The following GLIS3 variants were observed in gnomAD, a reference collection of about 807,000 sequenced individuals.
GLIS3 encodes the protein GLIS family zinc finger 3.
GLIS3 carries 53 observed loss-of-function variants against 78.6 expected under a neutral mutation model. That is an observed-to-expected ratio of 0.67 (90% CI 0.54 to 0.85). GLIS3 has a LOEUF of 0.85. Ranked by LOEUF, GLIS3 falls within the 40% of genes least tolerant of loss-of-function variation. The probability of loss-of-function intolerance (pLI) is 0.00; values close to 1 mark genes in which losing one functional copy is unlikely to be tolerated. For missense variants in GLIS3, 1,703 were observed against 1,231.1 expected (o/e 1.38, Z -5.74); for synonymous variants, 684 against 509.9 (o/e 1.34, Z -4.60).
At chr9:3,871,343 C>T (rs1029739061) in intron 8 of GLIS3, among the ~76,000 whole-genome samples, 1 of 152,180 alleles carries the variant, frequency 6.6e-6, no homozygotes, top group South Asian at 2.1e-4. Flanking sequence ...GACAGTGACC[C>T]TCTTCTCACA....
chr9:4,376,761 A>G, the GLIS3 span, among the ~76,000 whole-genome samples: 2 of 136,104 alleles, frequency 1.5e-5, 1 homozygote, highest in Admixed American at 1.5e-4. Context: ...ATGAGAAAAA[A>G]GTTTTAATGA....
intron 4 of GLIS3, among the ~76,000 whole-genome samples, chr9:4,110,264 C>G (rs369234890): frequency 1.3e-5 from 2 of 152,176 alleles, no homozygotes; most frequent in Admixed American, 6.5e-5. Context: ...CACTTTCACT[C>G]TCAAAAGTGT....
intron 2 of GLIS3, among the ~76,000 whole-genome samples, chr9:4,315,798 G>T (rs1319421893): frequency 1.3e-5 from 2 of 152,064 alleles, no homozygotes; most frequent in Non-Finnish European, 2.9e-5. Flanking sequence ...TCAGTAGGTG[G>T]CGCCCGTTCC....
At chr9:4,158,571 G>C (rs1402281138) in intron 2 of GLIS3, among the ~76,000 whole-genome samples, 1 of 152,208 alleles carries the variant, frequency 6.6e-6, no homozygotes, top group East Asian at 1.9e-4. Flanking sequence ...GAAGTTGTCA[G>C]ACTTTTCCTC....
At chr9:4,379,878 ATG>A in the GLIS3 span, among the ~76,000 whole-genome samples, 1 of 152,184 alleles carries the variant, frequency 6.6e-6, no homozygotes, top group Non-Finnish European at 1.5e-5. Context: ...ATAGGAGTGT[ATG>A]TGTGTGTATG....
chr9:4,005,469 T>G (rs182645613), intron 4 of GLIS3, among the ~76,000 whole-genome samples: 27 of 152,352 alleles, frequency 1.8e-4, no homozygotes, highest in African/African-American at 6.3e-4. Context: ...AACATGGCCC[T>G]AGGAGCTAAA....
At chr9:4,261,331 T>G (rs970644726) in intron 2 of GLIS3, among the ~76,000 whole-genome samples, 14 of 151,634 alleles carry the variant, frequency 9.2e-5, no homozygotes, top group African/African-American at 3.4e-4. Flanking sequence ...TCTGCCATAA[T>G]GGAAGCAAAG....
chr9:4,185,978 G>C (rs1346048261), intron 2 of GLIS3, among the ~76,000 whole-genome samples: 2 of 151,936 alleles, frequency 1.3e-5, no homozygotes, highest in Admixed American at 1.3e-4. Flanking sequence ...TAAATTGGCA[G>C]AGTTTTCTTC....
At chr9:4,478,447 C>A in the GLIS3 span, among the ~76,000 whole-genome samples, 1 of 152,062 alleles carries the variant, frequency 6.6e-6, no homozygotes, top group African/African-American at 2.4e-5. Context: ...CCCCTCTCTA[C>A]TAAAAATACA....
chr9:4,439,211 T>G, the GLIS3 span, among the ~76,000 whole-genome samples: 1 of 152,150 alleles, frequency 6.6e-6, no homozygotes, highest in African/African-American at 2.4e-5. Context: ...AAGCCATAAT[T>G]TTTTCTATTT....
At chr9:4,256,080 T>A (rs1025514603) in intron 2 of GLIS3, among the ~76,000 whole-genome samples, 2 of 152,122 alleles carry the variant, frequency 1.3e-5, no homozygotes, top group Admixed American at 1.3e-4. Context: ...AAGCCCTTAT[T>A]TAAAAGAGTC....
intron 1 of GLIS3, among the ~76,000 whole-genome samples, chr9:4,298,163 C>T (rs1248762519): frequency 6.6e-6 from 1 of 152,096 alleles, no homozygotes; most frequent in East Asian, 1.9e-4. Context: ...AGCCCGGGCG[C>T]CGGGGACCTG....
intron 4 of GLIS3, among the ~76,000 whole-genome samples, chr9:3,999,208 T>G (rs1291522776): frequency 6.6e-6 from 1 of 152,178 alleles, no homozygotes; most frequent in African/African-American, 2.4e-5. Context: ...GTTTTCAATA[T>G]GTTGCTGTTA....
intron 7 of GLIS3, among the ~76,000 whole-genome samples, chr9:3,897,178 C>T (rs779581377): frequency 6.6e-6 from 1 of 152,110 alleles, no homozygotes; most frequent in Non-Finnish European, 1.5e-5. Context: ...GGATTAAATA[C>T]AGCCAGACTA....
chr9:4,089,129 T>C (rs981567912), intron 4 of GLIS3, among the ~76,000 whole-genome samples: 7 of 152,232 alleles, frequency 4.6e-5, no homozygotes, highest in Non-Finnish European at 8.8e-5. Context: ...TGTGGCCTAG[T>C]TTTTTATGTT....
intron 2 of GLIS3, among the ~76,000 whole-genome samples, chr9:4,168,849 G>A (rs1376944765): frequency 2.6e-5 from 4 of 152,086 alleles, no homozygotes; most frequent in African/African-American, 7.2e-5. Context: ...TTGGTCCCTC[G>A]TTAGGCCTAA....
At chr9:4,411,101 C>G in the GLIS3 span, among the ~76,000 whole-genome samples, 4 of 152,166 alleles carry the variant, frequency 2.6e-5, no homozygotes, top group African/African-American at 9.7e-5. Context: ...TTAGTAAACA[C>G]AACAGATGAA....
At chr9:4,266,011 C>T (rs1406600436) in intron 2 of GLIS3, among the ~76,000 whole-genome samples, 1 of 152,026 alleles carries the variant, frequency 6.6e-6, no homozygotes, top group Non-Finnish European at 1.5e-5. Context: ...CTCCGCCTCC[C>T]AGGTTCACAC....
chr9:4,247,655 G>C (rs1389217426), intron 2 of GLIS3, among the ~76,000 whole-genome samples: 4 of 151,948 alleles, frequency 2.6e-5, no homozygotes, highest in South Asian at 4.2e-4. Context: ...AATTCAGTAA[G>C]ATAAAAAAAC....
Sources: allele counts gnomAD v4.1 joint callset (sites outside exome capture counted in the v4.1 genomes callset), GRCh38; gene constraint gnomAD v4.1.1; transcripts MANE v1.5; gene names NCBI Gene and HGNC (gene_info 2026-07-23, HGNC 2026-07-21).